L3MBTL4: variants seen among roughly 807,000 people sequenced by gnomAD.
L3MBTL4 encodes L3MBTL histone methyl-lysine binding protein 4.
Under a neutral mutation model 84.5 loss-of-function variants are expected in L3MBTL4, and 70 were observed. The ratio of observed to expected loss-of-function variants is 0.83; its 90% confidence interval spans 0.68 to 1.01. L3MBTL4 has a LOEUF of 1.01. L3MBTL4 is among the 50% of genes least tolerant of loss of function. The pLI, the probability that L3MBTL4 is intolerant of heterozygous loss-of-function variation, is 0.00. For missense variants in L3MBTL4, 715 were observed against 754.8 expected (o/e 0.95, Z 0.62); for synonymous variants, 274 against 259.8 (o/e 1.05, Z -0.52).
At chr18:6,002,263 A>G (rs1454480984) in intron 16 of L3MBTL4, among the ~76,000 whole-genome samples, 1 of 152,174 alleles carries the variant, frequency 6.6e-6, no homozygotes, top group Non-Finnish European at 1.5e-5. Context: ...GAAGGCATTC[A>G]TTTTCAGTAG....
intron 16 of L3MBTL4, among the ~76,000 whole-genome samples, chr18:6,059,859 G>A (rs1247697740): frequency 2.0e-5 from 3 of 152,218 alleles, no homozygotes; most frequent in Admixed American, 6.5e-5. Flanking sequence ...GGCAGCTGGT[G>A]TCTAACCTGG....
chr18:6,408,100 G>A (rs2055811140), intron 1 of L3MBTL4, among the ~76,000 whole-genome samples: 1 of 152,082 alleles, frequency 6.6e-6, no homozygotes, highest in Non-Finnish European at 1.5e-5. Flanking sequence ...CTTAAACAAT[G>A]GAAAACTGTG....
At chr18:6,374,822 C>T (rs2054301030) in intron 1 of L3MBTL4, among the ~76,000 whole-genome samples, 1 of 152,088 alleles carries the variant, frequency 6.6e-6, no homozygotes, top group South Asian at 2.1e-4. Flanking sequence ...CTATTACTGG[C>T]AGTTATTGCC....
chr18:6,044,465 G>T (rs184042350), intron 16 of L3MBTL4, among the ~76,000 whole-genome samples: 1 of 152,212 alleles, frequency 6.6e-6, no homozygotes, highest in Non-Finnish European at 1.5e-5. Flanking sequence ...GTTAACTAAC[G>T]TTGGAGACTC....
chr18:5,983,272 G>A (rs541856678), intron 16 of L3MBTL4, among the ~76,000 whole-genome samples: 6 of 152,192 alleles, frequency 3.9e-5, no homozygotes, highest in South Asian at 2.1e-4. Flanking sequence ...TTCTCTACAC[G>A]GCTACTTTCT....
intron 1 of L3MBTL4, among the ~76,000 whole-genome samples, chr18:6,353,394 A>G (rs1321874891): frequency 6.6e-6 from 1 of 152,216 alleles, no homozygotes; most frequent in Non-Finnish European, 1.5e-5. Flanking sequence ...TAAGGCAAGA[A>G]TTCTGTGGAC....
chr18:5,979,910 C>T (rs1332690886), intron 16 of L3MBTL4, among the ~76,000 whole-genome samples: 2 of 152,152 alleles, frequency 1.3e-5, no homozygotes, highest in African/African-American at 2.4e-5. Context: ...GTCAAAGGAG[C>T]ACCTTAGGGT....
intron 4 of L3MBTL4, among the ~76,000 whole-genome samples, chr18:6,272,137 G>A (rs511706): frequency 0.83 from 125,663 of 152,130 alleles, 53,700 homozygotes; most frequent in Non-Finnish European, 0.94. Context: ...AGAGAGAGAG[G>A]AAAAAAGAAG....
chr18:6,349,526 G>A (rs1436376957), intron 1 of L3MBTL4, among the ~76,000 whole-genome samples: 1 of 152,100 alleles, frequency 6.6e-6, no homozygotes, highest in Non-Finnish European at 1.5e-5. Flanking sequence ...GCCAGATCGA[G>A]ACCAGCCCGA....
intron 12 of L3MBTL4, among the ~76,000 whole-genome samples, chr18:6,198,841 C>T (rs2045523969): frequency 6.6e-6 from 1 of 152,122 alleles, no homozygotes. Context: ...GACATGTTCT[C>T]TTAGTCTGAT....
At chr18:6,228,841 A>C (rs1023504296) in intron 10 of L3MBTL4, among the ~76,000 whole-genome samples, 2 of 152,152 alleles carry the variant, frequency 1.3e-5, no homozygotes, top group Non-Finnish European at 2.9e-5. Context: ...GTGACATCAA[A>C]TGCCTAACTT....
chr18:6,083,733 T>G (rs1170648123), intron 15 of L3MBTL4, among the ~76,000 whole-genome samples: 1 of 152,182 alleles, frequency 6.6e-6, no homozygotes, highest in Non-Finnish European at 1.5e-5. Context: ...TCAGTGTATT[T>G]TATTAATAGC....
chr18:6,061,726 T>C (rs1040031111), intron 16 of L3MBTL4, among the ~76,000 whole-genome samples: 2 of 152,010 alleles, frequency 1.3e-5, no homozygotes, highest in Admixed American at 6.6e-5. Flanking sequence ...CTGATTTTAA[T>C]TGAGCACTTT....
intron 16 of L3MBTL4, among the ~76,000 whole-genome samples, chr18:5,969,851 G>A (rs1567929925): frequency 6.6e-6 from 1 of 152,188 alleles, no homozygotes; most frequent in Admixed American, 6.5e-5. Flanking sequence ...TGAAGGGCTC[G>A]CTTGTCACTG....
intron 6 of L3MBTL4, among the ~76,000 whole-genome samples, chr18:6,243,761 T>C (rs1402665972): frequency 6.6e-6 from 1 of 152,226 alleles, no homozygotes; most frequent in African/African-American, 2.4e-5. Flanking sequence ...AGCAACCCTA[T>C]CTTCTGCCCT....
chr18:6,183,656 A>G lies in L3MBTL4; in HGVS notation c.982-11714T>C, dbSNP rs1045223852. ...ATAGGATTTCTAAATAAGAACAGTAAGATGTGAAGAATGTCAAACTAAGAA... is the reference window on the plus strand; with the variant it reads ...ATAGGATTTCTAAATAAGAACAGTAGGATGTGAAGAATGTCAAACTAAGAA... On this transcript the variant is annotated intron_variant, in intron 12 of 18. Coordinates refer to ENST00000317931, the MANE Select transcript of L3MBTL4 (RefSeq NM_001330559.2). Among the ~76,000 whole-genome samples, 10 of 152,242 alleles carry G rather than the reference A, an allele frequency of 6.6e-5. No individual in the cohort carries two copies. The East Asian group carries it at 1.9e-3, about 29-fold the overall frequency.
intron 5 of L3MBTL4, chr18:6,260,883 T>A (rs1485696207): frequency 6.6e-6 from 1 of 152,244 alleles, no homozygotes; most frequent in East Asian, 1.9e-4. Context: ...CTTGGAAAGC[T>A]GACATGAACC....
rs1415120369 is a variant in L3MBTL4 at position 5,955,177 on chromosome 18, C to G, written c.*1043G>C. The G allele has an allele frequency of 1.3e-5, 2 of 152,208 alleles. No homozygotes were observed. Among genetic ancestry groups the G allele is most frequent in the Admixed American group, 1.3e-4 (2 of 15,278 alleles). 9.4% of individuals were successfully genotyped at this position (152,208 alleles called of 1,614,324 possible). ...TGGGACTGATTCCACACAACTTAAG[C>G]CTCCGATACAATCACTTACAAAAAA... On this transcript the variant is annotated 3_prime_UTR_variant, in exon 19 of 19. Coordinates refer to ENST00000317931, the MANE Select transcript of L3MBTL4 (RefSeq NM_001330559.2).
At chr18:6,398,202 C>T (rs953519713) in intron 1 of L3MBTL4, among the ~76,000 whole-genome samples, 1 of 152,176 alleles carries the variant, frequency 6.6e-6, no homozygotes, top group Non-Finnish European at 1.5e-5. Context: ...AAGTTGGCAA[C>T]TCTCTATAAG....
Sources: gnomAD v4.1 joint callset for allele counts (sites outside exome capture counted in the v4.1 genomes callset) on GRCh38, gnomAD v4.1.1 for gene constraint, MANE v1.5 for transcripts, NCBI Gene and HGNC (gene_info 2026-07-23, HGNC 2026-07-21) for gene names.